Variants in RABGAP1L observed in about 807,000 individuals in gnomAD.
The protein encoded by RABGAP1L is rab GTPase-activating protein 1-like.
RABGAP1L carries 63 observed loss-of-function variants against 137.7 expected under a neutral mutation model. The ratio of observed to expected loss-of-function variants is 0.46; its 90% CI spans 0.37 to 0.56. The LOEUF is 0.56. Among genes scored for constraint, RABGAP1L ranks in the 20% least tolerant of loss-of-function variants. The probability of loss-of-function intolerance (pLI) is 0.00; values close to 1 mark genes in which losing one functional copy is unlikely to be tolerated. For missense variants in RABGAP1L, 1,095 were observed against 1,244.0 expected, an observed-to-expected ratio of 0.88 and a Z score of 1.80; for synonymous variants, 431 against 433.7, an observed-to-expected ratio of 0.99 and a Z score of 0.08.
chr1:174,474,549 C>G (rs761584389), intron 13 of RABGAP1L, among the ~76,000 whole-genome samples: 2 of 152,086 alleles, frequency 1.3e-5, no homozygotes, highest in Non-Finnish European at 2.9e-5. Context: ...CCACTTATTA[C>G]CTGTTGACCA....
intron 18 of RABGAP1L, among the ~76,000 whole-genome samples, chr1:174,801,772 GA>G (rs1688777934): frequency 9.1e-6 from 1 of 109,504 alleles, no homozygotes; most frequent in Non-Finnish European, 2.3e-5. Flanking sequence ...ATTTAGAAAG[GA>G]GTTTTGTTTT....
At chr1:174,438,756 ATATATATATATATATATATATG>A (rs1653767850) in intron 13 of RABGAP1L, among the ~76,000 whole-genome samples, 1 of 130,566 alleles carries the variant, frequency 7.7e-6, no homozygotes, top group South Asian at 2.4e-4. Context: ...ATATATATAT[ATATATATATATATATATATATG>A]ACTTTTTAAT....
At chr1:174,165,581 C>T (rs556806507) in intron 1 of RABGAP1L, among the ~76,000 whole-genome samples, 3 of 151,926 alleles carry the variant, frequency 2.0e-5, no homozygotes, top group African/African-American at 4.8e-5. Context: ...TCACTGCATC[C>T]TTGATTTCCT....
intron 13 of RABGAP1L, among the ~76,000 whole-genome samples, chr1:174,403,282 CTT>C (rs796504266): frequency 3.1e-5 from 4 of 130,732 alleles, no homozygotes; most frequent in Non-Finnish European, 3.3e-5. Context: ...TTTCTTCTCT[CTT>C]TTTTTTTTTT....
At chr1:174,875,830 T>G (rs938264097) in intron 19 of RABGAP1L, 1 of 505,306 alleles carries the variant, frequency 2.0e-6, no homozygotes, top group East Asian at 1.5e-4. Flanking sequence ...AAAATAATGC[T>G]TAACAGACAA....
chr1:174,756,949 G>A, intron 18 of RABGAP1L: 1 of 928,926 alleles, frequency 1.1e-6, no homozygotes, highest in South Asian at 1.3e-5. Context: ...CTCAGAAGAG[G>A]TCTTCATCTT....
At chr1:174,216,382 G>A (rs546668832) in intron 1 of RABGAP1L, among the ~76,000 whole-genome samples, 4 of 152,192 alleles carry the variant, frequency 2.6e-5, no homozygotes, top group African/African-American at 9.6e-5. Flanking sequence ...TGCATTTCAT[G>A]CCTATGTAAA....
At chr1:174,211,605 A>G (rs1668884840) in intron 1 of RABGAP1L, among the ~76,000 whole-genome samples, 2 of 152,152 alleles carry the variant, frequency 1.3e-5, no homozygotes, top group African/African-American at 2.4e-5. Context: ...AGTAACAGTT[A>G]TAGGAGTAAG....
At chr1:174,385,371 T>G (rs1686673221) in intron 12 of RABGAP1L, among the ~76,000 whole-genome samples, 1 of 152,172 alleles carries the variant, frequency 6.6e-6, no homozygotes, top group South Asian at 2.1e-4. Flanking sequence ...GAGGATAAAA[T>G]CAAGATTTTG....
At chr1:174,944,553 C>A (rs1441922735) in intron 19 of RABGAP1L, among the ~76,000 whole-genome samples, 1 of 150,530 alleles carries the variant, frequency 6.6e-6, no homozygotes, top group Non-Finnish European at 1.5e-5. Context: ...GAGAGGATTT[C>A]TTGAGCCTGG....
At chr1:174,705,501 T>A (rs1679981900) in intron 17 of RABGAP1L, 1 of 152,224 alleles carries the variant, frequency 6.6e-6, no homozygotes, top group Non-Finnish European at 1.5e-5. Flanking sequence ...TTACCTTTCC[T>A]CCCCTTAAAC....
intron 19 of RABGAP1L, among the ~76,000 whole-genome samples, chr1:174,887,269 T>C (rs1655323959): frequency 6.6e-6 from 1 of 152,182 alleles, no homozygotes; most frequent in Non-Finnish European, 1.5e-5. Flanking sequence ...TAACTGACCC[T>C]TCATATGATC....
At chr1:174,244,111 C>T (rs1035106809) in intron 5 of RABGAP1L, among the ~76,000 whole-genome samples, 7 of 152,070 alleles carry the variant, frequency 4.6e-5, no homozygotes, top group East Asian at 1.9e-4. Context: ...ACTGGTCATC[C>T]GGTTGTCTGG....
At chr1:174,502,594 A>ATATATATATATATATATATATATG (rs1661398303) in intron 13 of RABGAP1L, among the ~76,000 whole-genome samples, 1 of 147,730 alleles carries the variant, frequency 6.8e-6, no homozygotes, top group African/African-American at 2.5e-5. Context: ...ATATATATAT[A>ATATATATATATATATATATATATG]TATGTACATA....
chr1:174,385,524 A>C (rs1254693123), intron 12 of RABGAP1L, among the ~76,000 whole-genome samples: 1 of 152,204 alleles, frequency 6.6e-6, no homozygotes, highest in Non-Finnish European at 1.5e-5. Flanking sequence ...AGCTGTTAGA[A>C]TGAAATGGGC....
rs1427641238 is a variant in RABGAP1L at position 174,957,451 on chromosome 1, C to T, written c.2341-6C>T. 7 of 1,609,546 alleles carry T rather than the reference C, an allele frequency of 4.3e-6. No individual in the cohort carries two copies. The South Asian group carries it at 7.7e-5, about 18-fold the overall frequency. ...GTCTAACATGGTTTTCCTCAAATCC[C>T]TGCAGGTACCAACCAAGAAGCTGAA... On this transcript the variant is annotated splice_polypyrimidine_tract_variant and splice_region_variant and intron_variant, in intron 19 of 25. Transcript: ENST00000681986.
At chr1:174,924,170 C>T (rs1050979919) in intron 19 of RABGAP1L, among the ~76,000 whole-genome samples, 1 of 151,798 alleles carries the variant, frequency 6.6e-6, no homozygotes, top group Non-Finnish European at 1.5e-5. Context: ...GTGTGGATCA[C>T]GAGGTCGAGA....
At chr1:174,234,856 G>A (rs1329184508) in intron 4 of RABGAP1L, among the ~76,000 whole-genome samples, 5 of 145,110 alleles carry the variant, frequency 3.4e-5, no homozygotes, top group Non-Finnish European at 7.5e-5. Flanking sequence ...ATTACCTTGG[G>A]CAGTATGGCC....
Position 174,843,518 on chromosome 1 carries a change from G to A in RABGAP1L, c.2340+31558G>A, listed in dbSNP as rs1244118514. On this transcript the variant is annotated intron_variant, in intron 19 of 25. Coordinates refer to ENST00000681986, the MANE Select transcript of RABGAP1L (RefSeq NM_001366446.1). ...TTGCGATAGTTTACTGAGAATGATG[G>A]TTTCCAGTTTCATCCATGTCCCTAC... 4.2e-5 allele frequency among the ~76,000 whole-genome samples: 6 copies of A among 143,056 alleles called. No individual in the cohort carries two copies. In the East Asian group the frequency reaches 8.1e-4, roughly 19 times the overall value. 93.9% of individuals were successfully genotyped at this position (143,056 alleles called of 152,430 possible).
Sources: gnomAD v4.1 joint callset for allele counts (sites outside exome capture counted in the v4.1 genomes callset) on GRCh38, gnomAD v4.1.1 for gene constraint, MANE v1.5 for transcripts, NCBI Gene and HGNC (gene_info 2026-07-23, HGNC 2026-07-21) for gene names.